The following FHIT variants were observed in gnomAD, a reference collection of about 807,000 sequenced individuals.
FHIT encodes the protein fragile histidine triad diadenosine triphosphatase, also known as bis(5'-adenosyl)-triphosphatase.
FHIT carries 19 observed loss-of-function variants against 17.9 expected under a neutral mutation model. The observed-to-expected ratio is 1.06, with a 90% CI of 0.74 to 1.56. FHIT has a LOEUF of 1.56. Ranked by LOEUF, FHIT falls within the 40% of genes most tolerant of loss-of-function variation. The pLI is 0.00. For missense variants in FHIT, 248 were observed against 189.2 expected (o/e 1.31, Z -1.82); for synonymous variants, 81 against 69.7 (o/e 1.16, Z -0.81).
At chr3:60,816,695 C>CT (rs34657304) in intron 4 of FHIT, among the ~76,000 whole-genome samples, 53 of 151,064 alleles carry the variant, frequency 3.5e-4, no homozygotes, top group African/African-American at 1.0e-3. Flanking sequence ...CTGTTGATTT[C>CT]TTTTTTTTTT....
intron 2 of FHIT, among the ~76,000 whole-genome samples, chr3:61,083,016 A>G (rs981059483): frequency 6.6e-6 from 1 of 152,184 alleles, no homozygotes; most frequent in African/African-American, 2.4e-5. Context: ...TCTGAATACT[A>G]GTCCTTTGCC....
intron 8 of FHIT, among the ~76,000 whole-genome samples, chr3:59,804,477 A>G (rs1700118523): frequency 6.6e-6 from 1 of 152,208 alleles, no homozygotes; most frequent in African/African-American, 2.4e-5. Flanking sequence ...ATGAAGCAAC[A>G]AAAGCAGAGA....
rs540214332 is a variant in FHIT at position 60,221,602 on chromosome 3, C to A, written c.104-207450G>T. 7.9e-5 allele frequency among the ~76,000 whole-genome samples: 12 copies of A among 152,294 alleles called. 1 individual carries two copies. In the East Asian group the frequency reaches 2.1e-3, roughly 27 times the overall value. ...GGCTCCTTCATGCGGTGGCTGCCTA[C>A]TTATCTCTGCAACTTCTGTTTGTAC... On this transcript the variant is annotated intron_variant, in intron 5 of 9. Transcript: ENST00000492590.
At chr3:60,633,044 T>A (rs2039488433) in intron 4 of FHIT, among the ~76,000 whole-genome samples, 1 of 152,186 alleles carries the variant, frequency 6.6e-6, no homozygotes, top group East Asian at 1.9e-4. Context: ...GCTGTGGACA[T>A]TTTACTTCTT....
At chr3:59,949,321 C>T (rs149358259) in intron 7 of FHIT, among the ~76,000 whole-genome samples, 178 of 152,270 alleles carry the variant, frequency 1.2e-3, no homozygotes, top group Non-Finnish European at 2.0e-3. Context: ...CCATAGATGG[C>T]CCTCCCTAAC....
intron 8 of FHIT, among the ~76,000 whole-genome samples, chr3:59,823,806 G>A (rs1700881656): frequency 6.6e-6 from 1 of 152,114 alleles, no homozygotes; most frequent in African/African-American, 2.4e-5. Context: ...GATGCCCTCT[G>A]TCACCACTTC....
At chr3:60,979,994 A>G (rs769075276) in intron 3 of FHIT, among the ~76,000 whole-genome samples, 2 of 152,256 alleles carry the variant, frequency 1.3e-5, no homozygotes, top group African/African-American at 2.4e-5. Flanking sequence ...TTTCACTGCT[A>G]TGAAAAACTA....
chr3:60,373,428 G>A (rs1392107989), intron 5 of FHIT, among the ~76,000 whole-genome samples: 1 of 152,192 alleles, frequency 6.6e-6, no homozygotes, highest in Non-Finnish European at 1.5e-5. Flanking sequence ...TTGCAGTACA[G>A]AGAGCAAGGC....
intron 2 of FHIT, among the ~76,000 whole-genome samples, chr3:61,090,573 T>C (rs1171621124): frequency 6.6e-6 from 1 of 152,196 alleles, no homozygotes; most frequent in Non-Finnish European, 1.5e-5. Flanking sequence ...CCAAATGCCA[T>C]GGGCCTCCCA....
intron 2 of FHIT, among the ~76,000 whole-genome samples, chr3:61,077,028 T>G (rs1257575826): frequency 1.3e-5 from 2 of 152,186 alleles, no homozygotes; most frequent in Non-Finnish European, 2.9e-5. Context: ...TGAGGCTAAA[T>G]GTGTTTATTA....
chr3:59,938,543 T>G (rs1706354940), intron 7 of FHIT, among the ~76,000 whole-genome samples: 1 of 152,138 alleles, frequency 6.6e-6, no homozygotes, highest in African/African-American at 2.4e-5. Flanking sequence ...ATGAGTATAC[T>G]TTAGTTGCCC....
chr3:60,100,965 C>A (rs997317381), intron 5 of FHIT, among the ~76,000 whole-genome samples: 1 of 152,126 alleles, frequency 6.6e-6, no homozygotes, highest in Non-Finnish European at 1.5e-5. Flanking sequence ...AGGCCAGGAA[C>A]ATGTAACAGC....
At chr3:60,183,997 C>T (rs1343983447) in intron 5 of FHIT, among the ~76,000 whole-genome samples, 3 of 56,378 alleles carry the variant, frequency 5.3e-5, no homozygotes, top group Non-Finnish European at 7.6e-5. Flanking sequence ...ATTTATTTTT[C>T]GTTTTTTTTT....
At chr3:61,237,159 A>C (rs996639372) in intron 1 of FHIT, among the ~76,000 whole-genome samples, 1 of 152,228 alleles carries the variant, frequency 6.6e-6, no homozygotes, top group Admixed American at 6.5e-5. Flanking sequence ...ACTCGTACAG[A>C]AAGTTTTTTA....
chr3:60,563,431 A>T (rs1474726278), intron 4 of FHIT, among the ~76,000 whole-genome samples: 1 of 152,246 alleles, frequency 6.6e-6, no homozygotes, highest in Admixed American at 6.5e-5. Flanking sequence ...AAGTGAAAGG[A>T]AGTGTCACAC....
At chr3:60,433,000 C>T (rs746657333) in intron 5 of FHIT, among the ~76,000 whole-genome samples, 4 of 151,344 alleles carry the variant, frequency 2.6e-5, no homozygotes, top group Non-Finnish European at 5.9e-5. Context: ...GTTAACTGTA[C>T]ACACATTACA....
intron 5 of FHIT, among the ~76,000 whole-genome samples, chr3:60,221,914 C>T (rs1475845788): frequency 6.6e-6 from 1 of 151,916 alleles, no homozygotes; most frequent in East Asian, 1.9e-4. Flanking sequence ...GTTTTTTCAG[C>T]ATGATTTCTT....
intron 4 of FHIT, among the ~76,000 whole-genome samples, chr3:60,636,883 C>G (rs138865088): frequency 6.6e-6 from 1 of 152,144 alleles, no homozygotes; most frequent in East Asian, 1.9e-4. Flanking sequence ...ACAGAGAAAG[C>G]CAAGTGGCTT....
chr3:59,833,489 C>T (rs540309726), intron 8 of FHIT, among the ~76,000 whole-genome samples: 3 of 152,304 alleles, frequency 2.0e-5, no homozygotes, highest in South Asian at 4.1e-4. Flanking sequence ...GATTCCTCTA[C>T]AGGCTACAGA....
Sources: allele counts gnomAD v4.1 joint callset (sites outside exome capture counted in the v4.1 genomes callset), GRCh38; gene constraint gnomAD v4.1.1; transcripts MANE v1.5; gene names NCBI Gene and HGNC (gene_info 2026-07-23, HGNC 2026-07-21).